CALN1: variants seen among roughly 807,000 people sequenced by gnomAD.
CALN1 encodes the protein calneuron 1, also known as calcium-binding protein 8.
A neutral mutation model predicts 30.6 loss-of-function variants in CALN1; 17 were observed. That is an observed-to-expected ratio of 0.56 (90% CI 0.38 to 0.83). The LOEUF is 0.83. CALN1 is among the 40% of genes least tolerant of loss of function. The probability of loss-of-function intolerance (pLI) is 0.00; values close to 1 mark genes in which losing one functional copy is unlikely to be tolerated. For missense variants in CALN1, 291 were observed against 354.9 expected, an observed-to-expected ratio of 0.82 and a Z score of 1.45; for synonymous variants, 156 against 131.4, an observed-to-expected ratio of 1.19 and a Z score of -1.28.
chr7:72,311,925 G>T (rs545505923), intron 2 of CALN1, among the ~76,000 whole-genome samples: 1 of 152,062 alleles, frequency 6.6e-6, no homozygotes, highest in Non-Finnish European at 1.5e-5. Flanking sequence ...ATGAGCATAG[G>T]AGAGTGATGG....
intron 2 of CALN1, among the ~76,000 whole-genome samples, chr7:72,291,316 T>A (rs1234355196): frequency 6.6e-6 from 1 of 152,224 alleles, no homozygotes; most frequent in East Asian, 1.9e-4. Flanking sequence ...TTTGTACTAC[T>A]CTGACTTTCC....
At chr7:72,013,896 A>C (rs1800230828) in intron 5 of CALN1, among the ~76,000 whole-genome samples, 1 of 152,136 alleles carries the variant, frequency 6.6e-6, no homozygotes, top group African/African-American at 2.4e-5. Context: ...TAGATTACTA[A>C]ATGTAGAAAA....
At chr7:72,380,446 G>C (rs911877383) in intron 2 of CALN1, among the ~76,000 whole-genome samples, 1 of 152,110 alleles carries the variant, frequency 6.6e-6, no homozygotes, top group African/African-American at 2.4e-5. Flanking sequence ...AACATAGCAA[G>C]ACCCCGTCTC....
chr7:72,207,879 CA>C (rs762048850), intron 3 of CALN1, among the ~76,000 whole-genome samples: 14 of 151,984 alleles, frequency 9.2e-5, no homozygotes, highest in Admixed American at 2.6e-4. Context: ...CATTTTAAGA[CA>C]AAAAATCTAT....
chr7:72,367,942 G>A (rs1240580652), intron 2 of CALN1, among the ~76,000 whole-genome samples: 2 of 151,982 alleles, frequency 1.3e-5, no homozygotes, highest in African/African-American at 2.4e-5. Context: ...GACCATCCTG[G>A]CTAGCACAGT....
chr7:72,387,325 T>C (rs1805292003), intron 2 of CALN1, among the ~76,000 whole-genome samples: 2 of 97,026 alleles, frequency 2.1e-5, no homozygotes, highest in African/African-American at 3.7e-5. Context: ...ATCTCCCATA[T>C]ACAAGAATTC....
chr7:71,849,922 C>T (rs1036425927), intron 5 of CALN1, among the ~76,000 whole-genome samples: 2 of 152,138 alleles, frequency 1.3e-5, no homozygotes, highest in South Asian at 2.1e-4. Context: ...ATTGAGCCAT[C>T]GCACTCAACC....
chr7:71,809,651 A>C (rs1490894792), intron 6 of CALN1, among the ~76,000 whole-genome samples: 1 of 152,000 alleles, frequency 6.6e-6, no homozygotes, highest in Non-Finnish European at 1.5e-5. Context: ...TAAATCCTTT[A>C]GCTTCTCAGG....
At chr7:72,409,494 T>C (rs1806961031) in intron 1 of CALN1, among the ~76,000 whole-genome samples, 1 of 147,160 alleles carries the variant, frequency 6.8e-6, no homozygotes, top group South Asian at 2.4e-4. Flanking sequence ...ATGGATAGTC[T>C]GAGTGGACTG....
chr7:72,143,536 G>C (rs1480318826), intron 3 of CALN1, among the ~76,000 whole-genome samples: 1 of 152,190 alleles, frequency 6.6e-6, no homozygotes, highest in East Asian at 1.9e-4. Context: ...ATGGAACCAA[G>C]TTGGAAAACA....
At chr7:72,398,429 A>G (rs1806118215) in intron 2 of CALN1, among the ~76,000 whole-genome samples, 1 of 152,232 alleles carries the variant, frequency 6.6e-6, no homozygotes, top group South Asian at 2.1e-4. Flanking sequence ...AAATACGAAA[A>G]AACACTTTGT....
chr7:72,042,145 T>C (rs547123492), intron 4 of CALN1, among the ~76,000 whole-genome samples: 105 of 152,158 alleles, frequency 6.9e-4, no homozygotes, highest in Admixed American at 1.4e-3. Flanking sequence ...TTCAGATGGG[T>C]TATGCATTGG....
chr7:71,803,157 C>A (rs1197559073), intron 6 of CALN1, among the ~76,000 whole-genome samples: 2 of 152,074 alleles, frequency 1.3e-5, no homozygotes, highest in Non-Finnish European at 2.9e-5. Flanking sequence ...ATACTGGGGA[C>A]ATATAAAGTT....
At chr7:72,049,986 T>A (rs1416925897) in intron 4 of CALN1, among the ~76,000 whole-genome samples, 1 of 151,462 alleles carries the variant, frequency 6.6e-6, no homozygotes, top group Non-Finnish European at 1.5e-5. Flanking sequence ...TACTTTTTTT[T>A]TTTTGTATGT....
chr7:72,129,835 T>C (rs1197029930), intron 3 of CALN1, among the ~76,000 whole-genome samples: 2 of 151,882 alleles, frequency 1.3e-5, no homozygotes, highest in African/African-American at 2.4e-5. Flanking sequence ...AATGGAAGAG[T>C]ATTGCTATGG....
chr7:71,889,602 A>G (rs1338816743), intron 5 of CALN1, among the ~76,000 whole-genome samples: 1 of 152,094 alleles, frequency 6.6e-6, no homozygotes, highest in African/African-American at 2.4e-5. Flanking sequence ...ACCTATGAAT[A>G]AGGGGGGACA....
At position 71,951,041 on chromosome 7, in the gene CALN1, C is replaced by T. The variant is rs571129580; in HGVS notation, c.501+72616G>A. On this transcript the variant is annotated intron_variant, in intron 5 of 6. Transcript: ENST00000395275. The stretch of plus-strand genomic sequence containing the variant: ...AACATTTATCCATAAATGACATTTC[C>T]TTGTTTGTTCATTTATTGCCTGTCT... 1.2e-4 allele frequency among the ~76,000 whole-genome samples: 18 copies of T among 152,278 alleles called. No homozygotes were observed. In the South Asian group the frequency reaches 3.7e-3, roughly 32 times the overall value.
intron 4 of CALN1, among the ~76,000 whole-genome samples, chr7:72,059,876 T>G (rs192257168): frequency 6.6e-6 from 1 of 152,194 alleles, no homozygotes; most frequent in Admixed American, 6.5e-5. Flanking sequence ...TTCTTTCCAC[T>G]GCTGGCAGCT....
intron 2 of CALN1, chr7:72,336,850 A>C (rs962660545): frequency 1.0e-6 from 1 of 984,728 alleles, no homozygotes; most frequent in African/African-American, 1.8e-5. Flanking sequence ...CACCCCCAGC[A>C]GGCAGCCGCG....
Sources: gnomAD v4.1 joint callset for allele counts (sites outside exome capture counted in the v4.1 genomes callset) on GRCh38, gnomAD v4.1.1 for gene constraint, MANE v1.5 for transcripts, NCBI Gene and HGNC (gene_info 2026-07-23, HGNC 2026-07-21) for gene names.